Variants in MYH7B observed in about 807,000 individuals in gnomAD.
MYH7B encodes myosin-7B.
In MYH7B, 205 loss-of-function variants were observed where a neutral mutation model predicts 234.5. The observed-to-expected ratio is 0.87, with a 90% CI of 0.78 to 0.98. The LOEUF (loss-of-function observed/expected upper bound fraction) is 0.98. Among genes scored for constraint, MYH7B ranks in the 50% least tolerant of loss-of-function variants. The pLI, the probability that MYH7B is intolerant of heterozygous loss-of-function variation, is 0.00. For synonymous variants in MYH7B, 1,193 were observed against 1,105.0 expected (o/e 1.08, Z -1.58); for missense variants, 2,652 against 2,633.4 (o/e 1.01, Z -0.15).
rs769064302 is a variant in MYH7B, at chr20:35,000,856, G to A, written c.5267G>A (p.Arg1756Gln). The change falls in exon 40 of 45, where the codon CGG becomes CAG. Residue 1756 changes from arginine to glutamine, a missense_variant. Coordinates refer to ENST00000262873, the Ensembl canonical transcript of MYH7B. ...GTGGAGGAGGCTGCACAGGAGAGGC[G>A]GGAGGCTGAGGAGAAGGCCAAAAAG... 6.8e-6 allele frequency: 11 copies of A among 1,613,554 alleles called. No homozygotes were observed. The highest frequency in any genetic ancestry group is 4.5e-5 in the East Asian group (2 of 44,740).
intron 10 of MYH7B, 77 bp downstream of exon 10, chr20:34,982,632 T>G: frequency 7.7e-7 from 1 of 1,297,804 alleles, no homozygotes; most frequent in Non-Finnish European, 1.0e-6. Context: ...CTTTTTTTTT[T>G]TTCCCCCTTT....
intron 15 of MYH7B, 66 bp from the exon 16 acceptor site, chr20:34,987,083 C>A: frequency 6.2e-7 from 1 of 1,609,618 alleles, no homozygotes; most frequent in Non-Finnish European, 8.5e-7. Flanking sequence ...GGTCCCGGGG[C>A]AGTGCCTGGC....
At chr20:34,971,779 A>G (rs1024636957) in intron 2 of MYH7B, among the ~76,000 whole-genome samples, 5 of 152,246 alleles carry the variant, frequency 3.3e-5, no homozygotes, top group Admixed American at 6.5e-5. Context: ...TCCGTCGCTC[A>G]GAGCTCTTTG....
chr20:34,970,188 A>G (rs1486609998), intron 2 of MYH7B, among the ~76,000 whole-genome samples: 1 of 152,166 alleles, frequency 6.6e-6, no homozygotes, highest in Non-Finnish European at 1.5e-5. Context: ...GGGCCAAGGT[A>G]AGCCATGTAC....
chr20:34,962,144 T>C (rs1261632849), intron 2 of MYH7B, among the ~76,000 whole-genome samples: 1 of 152,184 alleles, frequency 6.6e-6, no homozygotes, highest in Admixed American at 6.5e-5. Flanking sequence ...GGAGGATCAC[T>C]TGAGCCCAGT....
Position 34,995,319 on chromosome 20 carries a change from T to C in MYH7B, c.2701-17T>C, listed in dbSNP as rs1265628064. The C allele has an allele frequency of 6.2e-7, 1 of 1,608,670 alleles. No individual in the cohort carries two copies. The highest frequency in any genetic ancestry group is 8.5e-7 in the Non-Finnish European group (1 of 1,177,128). On this transcript the variant is annotated splice_polypyrimidine_tract_variant and intron_variant, in intron 27 of 44. Coordinates refer to ENST00000262873, the Ensembl canonical transcript of MYH7B. ...CTGGCCCTCCCCCAACCTGGCCCCGTTCCGTGTGCCCTCCAGGAGCAGGAC... is the reference window on the plus strand; with the variant it reads ...CTGGCCCTCCCCCAACCTGGCCCCGCTCCGTGTGCCCTCCAGGAGCAGGAC...
rs1231578890 is a variant in MYH7B at position 34,996,326 on chromosome 20, T to C, written c.2944-20T>C. ...AGTGCGGGGAAGGGCGTCCCCATTCTGGCCCTGGCCCTGGCACAGGTGAAG... is the reference window on the plus strand; with the variant it reads ...AGTGCGGGGAAGGGCGTCCCCATTCCGGCCCTGGCCCTGGCACAGGTGAAG... On this transcript the variant is annotated intron_variant, in intron 28 of 44. Transcript: ENST00000262873. 5.8e-6 allele frequency: 9 copies of C among 1,563,930 alleles called. No homozygotes were observed. Among genetic ancestry groups the C allele is most frequent in the Non-Finnish European group, 7.8e-6 (9 of 1,155,112 alleles).
At chr20:34,990,073 G>C in exon 21 of MYH7B, 2 of 1,614,184 alleles carry the variant, frequency 1.2e-6, no homozygotes, top group East Asian at 4.5e-5. Flanking sequence ...ATGAGACCGT[G>C]GTCCCCATCT....
Position 34,971,105 on chromosome 20 carries a change from G to A in MYH7B, c.-221-4295G>A, listed in dbSNP as rs116710155. On this transcript the variant is annotated intron_variant, in intron 2 of 44. Coordinates refer to ENST00000262873, the Ensembl canonical transcript of MYH7B. ...TCTGAGGTACCCTTGTGTGTGCTCG[G>A]GGAGGCCTCAAGGTCTTCCGAAGTG... 8.8e-3 allele frequency among the ~76,000 whole-genome samples: 1,338 copies of A among 152,270 alleles called. 21 individuals carry two copies. Among genetic ancestry groups the A allele is most frequent in the African/African-American group, 0.031 (1,285 of 41,540 alleles).
chr20:35,000,482 CAAG>C (rs1465412690), exon 39 of MYH7B: 3 of 1,600,936 alleles, frequency 1.9e-6, no homozygotes, highest in East Asian at 2.2e-5. Context: ...AGGCACAGCT[CAAG>C]GAGGAGCAGG....
chr20:34,985,396 A>AT (rs2082002386), intron 13 of MYH7B, among the ~76,000 whole-genome samples: 1 of 151,988 alleles, frequency 6.6e-6, no homozygotes, highest in East Asian at 1.9e-4. Flanking sequence ...AGATCCTGTC[A>AT]CCTGAGGATG....
intron 26 of MYH7B, 21 bp downstream of exon 26, chr20:34,993,491 G>A: frequency 6.4e-7 from 1 of 1,565,232 alleles, no homozygotes; most frequent in Non-Finnish European, 8.6e-7. Flanking sequence ...GAAGGAGGCT[G>A]GGGACAGGGT....
chr20:34,979,891 G>A (rs1021560130), intron 7 of MYH7B, 87 bp downstream of exon 7: 1 of 1,434,324 alleles, frequency 7.0e-7, no homozygotes, highest in Non-Finnish European at 9.4e-7. Context: ...GGCCCATAGC[G>A]GTGGGGCGGG....
At chr20:34,972,083 C>T (rs1279985493) in intron 2 of MYH7B, among the ~76,000 whole-genome samples, 1 of 152,198 alleles carries the variant, frequency 6.6e-6, no homozygotes, top group Non-Finnish European at 1.5e-5. Flanking sequence ...CAGCAGCTCG[C>T]CCCGCTGCCT....
At chr20:34,978,672 C>T (rs7346108) in intron 5 of MYH7B, among the ~76,000 whole-genome samples, 10 of 152,296 alleles carry the variant, frequency 6.6e-5, no homozygotes, top group South Asian at 2.1e-4. Flanking sequence ...CTTCACAGGG[C>T]GCCAGGCTAA....
chr20:34,967,500 G>A (rs2081753645), intron 2 of MYH7B, among the ~76,000 whole-genome samples: 1 of 151,914 alleles, frequency 6.6e-6, no homozygotes, highest in South Asian at 2.1e-4. Flanking sequence ...GCCTCCCTCT[G>A]CCCCTCACCC....
At chr20:34,987,990 TG>T in intron 18 of MYH7B, 76 bp downstream of exon 18, 2 of 1,555,260 alleles carry the variant, frequency 1.3e-6, no homozygotes, top group Non-Finnish European at 1.7e-6. Context: ...GCAGAAGCCC[TG>T]GCCTTCTGCC....
Position 35,000,402 on chromosome 20 carries a change from G to A in MYH7B, c.4891G>A (p.Asp1631Asn), listed in dbSNP as rs888314226. Residue 1631 changes from aspartate to asparagine, a missense_variant, in exon 39 of 45, where the codon GAC becomes AAC. Asp to Asn is a conservative substitution (Grantham distance 23, BLOSUM62 1). This residue lies in a region of MYH7B where 2,279 missense variants were observed against 2,211.4 expected (regional missense o/e 1.03). Transcript: ENST00000262873. ...GAAGAAGATGGAGGGTGACCTCAAC[G>A]ACCTGGAGCTGCAGCTGGGCCATGC... 1.0e-5 allele frequency: 16 copies of A among 1,600,388 alleles called. No individual in the cohort carries two copies. The highest frequency in any genetic ancestry group is 1.3e-5 in the African/African-American group (1 of 74,936).
intron 2 of MYH7B, among the ~76,000 whole-genome samples, chr20:34,971,775 G>T (rs535719737): frequency 6.6e-6 from 1 of 152,222 alleles, no homozygotes; most frequent in Admixed American, 6.5e-5. Flanking sequence ...AAATTCCGTC[G>T]CTCAGAGCTC....
Sources: gnomAD v4.1 joint callset for allele counts (sites outside exome capture counted in the v4.1 genomes callset) on GRCh38, gnomAD v4.1.1 for gene constraint, gnomAD v4.1.1 regional missense constraint, MANE v1.5 for transcripts, NCBI Gene and HGNC (gene_info 2026-07-23, HGNC 2026-07-21) for gene names.